Variants in PRKD3 observed in about 807,000 individuals in gnomAD.
PRKD3 encodes the protein protein kinase D3, also known as serine/threonine-protein kinase D3.
Under a neutral mutation model 99.2 loss-of-function variants are expected in PRKD3, and 47 were observed. That is an observed-to-expected ratio of 0.47 (90% CI 0.38 to 0.60). PRKD3 has a LOEUF of 0.60. Among genes scored for constraint, PRKD3 ranks in the 20% least tolerant of loss-of-function variants. The probability of loss-of-function intolerance (pLI) is 0.00; values close to 1 mark genes in which losing one functional copy is unlikely to be tolerated. For synonymous variants in PRKD3, 392 were observed against 355.4 expected (o/e 1.10, Z -1.16); for missense variants, 1,019 against 1,088.4 (o/e 0.94, Z 0.90).
intron 14 of PRKD3, among the ~76,000 whole-genome samples, chr2:37,262,641 A>G (rs1021617373): frequency 1.3e-5 from 2 of 151,918 alleles, no homozygotes; most frequent in African/African-American, 2.4e-5. Context: ...TTGAAATGTG[A>G]CTGTTTTGCT....
chr2:37,297,066 T>C (rs1670707877), intron 2 of PRKD3, among the ~76,000 whole-genome samples: 1 of 151,962 alleles, frequency 6.6e-6, no homozygotes, highest in African/African-American at 2.4e-5. Flanking sequence ...AAAACCAAAC[T>C]GTTAATGAAT....
chr2:37,289,884 G>A (rs1410497910), intron 4 of PRKD3, among the ~76,000 whole-genome samples: 3 of 152,182 alleles, frequency 2.0e-5, no homozygotes, highest in Non-Finnish European at 4.4e-5. Context: ...CTGCCTTAAA[G>A]CACTAGTTAG....
At position 37,256,653 on chromosome 2, in the gene PRKD3, TTTTTTTACCTTC is replaced by T; in HGVS notation, c.2410_2413+8del. ...ATTTTTTTTTTTTTTTTTTTTTTTT[TTTTTTTACCTTC>T]ACCAGAAATTTCTCTCCATGGATTT... On this transcript the variant is annotated splice_donor_variant and splice_donor_5th_base_variant and coding_sequence_variant and intron_variant, in exon 17 of 19. Transcript: ENST00000234179. LOFTEE classifies it high-confidence loss of function. 3 of 1,404,674 alleles carry T rather than the reference TTTTTTTACCTTC, an allele frequency of 2.1e-6. No homozygotes were observed. Among genetic ancestry groups the T allele is most frequent in the South Asian group, 3.3e-5 (2 of 60,236 alleles). The allele number at this position is 1,404,674 out of a possible 1,614,324, so 87.0% of individuals were successfully genotyped here.
intron 2 of PRKD3, among the ~76,000 whole-genome samples, chr2:37,308,883 A>C (rs1037426954): frequency 6.6e-6 from 1 of 152,076 alleles, no homozygotes; most frequent in African/African-American, 2.4e-5. Context: ...GCATACCTAA[A>C]AGTACCTTGT....
intron 16 of PRKD3, among the ~76,000 whole-genome samples, chr2:37,257,425 G>A (rs932639831): frequency 7.2e-5 from 11 of 152,114 alleles, no homozygotes; most frequent in Non-Finnish European, 1.6e-4. Flanking sequence ...CAGCACTTTG[G>A]GAGGCCGAGG....
chr2:37,287,814 C>A (rs1670195228), intron 5 of PRKD3, among the ~76,000 whole-genome samples: 1 of 152,152 alleles, frequency 6.6e-6, no homozygotes, highest in Non-Finnish European at 1.5e-5. Context: ...ATCTACTTAC[C>A]CCTCAGGTTA....
chr2:37,256,628 A>AATT (rs1382886611), intron 17 of PRKD3, 34 bp downstream of exon 17: 2 of 1,202,286 alleles, frequency 1.7e-6, no homozygotes, highest in Non-Finnish European at 1.1e-6. Context: ...CATAGCCAAA[A>AATT]TTTTTTTTTT....
In PRKD3 at chr2:37,279,745, C is replaced by A. The variant is rs1159766248; in HGVS notation, c.1172+1G>T. ...TAGCTTGTAATATGTATATATATTA[C>A]CTGATTGTTTTAACGGCTTCTTCAT... On this transcript the variant is annotated splice_donor_variant, in intron 8 of 18. Transcript: ENST00000234179. LOFTEE classifies it high-confidence loss of function. 6.2e-7 allele frequency: 1 copy of A among 1,610,916 alleles called. No homozygotes were observed. The highest frequency in any genetic ancestry group is 8.5e-7 in the Non-Finnish European group (1 of 1,178,590).
chr2:37,291,051 A>T, intron 3 of PRKD3, 52 bp from the exon 4 acceptor site: 1 of 1,460,014 alleles, frequency 6.8e-7, no homozygotes, highest in Non-Finnish European at 9.2e-7. Flanking sequence ...CTGCGATGAG[A>T]TTAAGAATGC....
intron 1 of PRKD3, among the ~76,000 whole-genome samples, chr2:37,322,296 A>C (rs531202308): frequency 6.6e-6 from 1 of 152,250 alleles, no homozygotes; most frequent in Non-Finnish European, 1.5e-5. Context: ...TAAAAAAATC[A>C]TATCTTGTAG....
intron 13 of PRKD3, chr2:37,269,310 G>A (rs573838556): frequency 1.5e-5 from 5 of 344,108 alleles, no homozygotes; most frequent in Admixed American, 3.9e-5. Context: ...AGCCCACTCA[G>A]CCCAACATAA....
At chr2:37,304,507 G>A (rs765410171) in intron 2 of PRKD3, among the ~76,000 whole-genome samples, 1 of 152,148 alleles carries the variant, frequency 6.6e-6, no homozygotes, top group East Asian at 1.9e-4. Flanking sequence ...TTGGGAGGCT[G>A]AGGCAGATGG....
intron 5 of PRKD3, 32 bp from the exon 6 acceptor site, chr2:37,286,401 T>C (rs370601893): frequency 1.1e-5 from 18 of 1,579,654 alleles, no homozygotes; most frequent in Admixed American, 3.4e-5. Flanking sequence ...TAAGTGTAAG[T>C]CAATATTAAA....
chr2:37,253,207 A>G lies in PRKD3; in HGVS notation c.2643T>C (p.Pro881=), dbSNP rs1396498893. Residue 881 remains proline, a synonymous_variant, in exon 19 of 19, where the codon CCT becomes CCC. Transcript: ENST00000234179. ...LVYPKHFIMA[P]NPDDMEEDP ...GATCTTCTTCCATATCATCTGGATT[A>G]GGAGCCATAATGAAGTGCTTTGGGT... is the stretch of plus-strand genomic sequence containing the variant. 6 of 1,610,802 alleles carry G rather than the reference A, an allele frequency of 3.7e-6. No individual in the cohort carries two copies. Among genetic ancestry groups the G allele is most frequent in the Non-Finnish European group, 5.1e-6 (6 of 1,178,152 alleles).
At chr2:37,270,103 T>A (rs1669126805) in intron 12 of PRKD3, among the ~76,000 whole-genome samples, 1 of 152,028 alleles carries the variant, frequency 6.6e-6, no homozygotes, top group Non-Finnish European at 1.5e-5. Context: ...GGTGCATGCC[T>A]GTAATCCTAG....
At chr2:37,308,532 C>T (rs1381584190) in intron 2 of PRKD3, among the ~76,000 whole-genome samples, 1 of 147,618 alleles carries the variant, frequency 6.8e-6, no homozygotes, top group Non-Finnish European at 1.5e-5. Context: ...CCCCCACCCA[C>T]CTCCCTCCCC....
rs141288557 is a variant in PRKD3 at position 37,259,307 on chromosome 2, T to C, written c.2145+276A>G. 1.4e-4 allele frequency among the ~76,000 whole-genome samples: 22 copies of C among 152,328 alleles called. No homozygotes were observed. The East Asian group carries it at 1.7e-3, about 12-fold the overall frequency. On this transcript the variant is annotated intron_variant, in intron 16 of 18. Coordinates refer to ENST00000234179, the MANE Select transcript of PRKD3 (RefSeq NM_005813.6). Reference sequence around the variant, plus strand: ...CCTAAGTACCATGCACCAACCAAGGTTGATACTTGCTCACTTCGTTCCCAG... The same window carrying C: ...CCTAAGTACCATGCACCAACCAAGGCTGATACTTGCTCACTTCGTTCCCAG...
chr2:37,306,214 C>T (rs1006731983), intron 2 of PRKD3, among the ~76,000 whole-genome samples: 4 of 152,074 alleles, frequency 2.6e-5, no homozygotes, highest in Non-Finnish European at 2.9e-5. Flanking sequence ...TGTAATCAGG[C>T]GTTAAGTGGC....
At chr2:37,270,913 T>A (rs553437725) in intron 12 of PRKD3, among the ~76,000 whole-genome samples, 1 of 152,318 alleles carries the variant, frequency 6.6e-6, no homozygotes, top group South Asian at 2.1e-4. Flanking sequence ...ATGACATGGA[T>A]GGAGATATCC....
Sources: gnomAD v4.1 joint callset for allele counts (sites outside exome capture counted in the v4.1 genomes callset) on GRCh38, gnomAD v4.1.1 for gene constraint, MANE v1.5 for transcripts, NCBI Gene and HGNC (gene_info 2026-07-23, HGNC 2026-07-21) for gene names.